ABCA13: variants seen among roughly 807,000 people sequenced by gnomAD.
ABCA13 encodes ATP-binding cassette sub-family A member 13.
Under a neutral mutation model 478.7 loss-of-function variants are expected in ABCA13, and 476 were observed. That is an observed-to-expected ratio of 0.99 (90% confidence interval 0.92 to 1.07). ABCA13 has a LOEUF of 1.07. Ranked by LOEUF, ABCA13 falls within the 50% of genes least tolerant of loss-of-function variation. ABCA13 has a pLI of 0.00. For missense variants in ABCA13, 6,060 were observed against 5,910.6 expected, an observed-to-expected ratio of 1.03 and a Z score of -0.83; for synonymous variants, 2,252 against 2,158.9, an observed-to-expected ratio of 1.04 and a Z score of -1.20.
intron 58 of ABCA13, among the ~76,000 whole-genome samples, chr7:48,614,791 A>G (rs1355821636): frequency 6.7e-6 from 1 of 148,722 alleles, no homozygotes; most frequent in Non-Finnish European, 1.5e-5. Flanking sequence ...AAGAACAAAA[A>G]ACCAAACACC....
At chr7:48,368,708 T>C (rs1367188068) in intron 32 of ABCA13, among the ~76,000 whole-genome samples, 1 of 132,792 alleles carries the variant, frequency 7.5e-6, no homozygotes, top group African/African-American at 2.7e-5. Context: ...TATATATATA[T>C]ATATATACAC....
Position 48,274,308 on chromosome 7 carries a change from A to G in ABCA13, c.4642A>G (p.Ile1548Val). Residue 1548 changes from isoleucine (I) to valine (V), a missense_variant, in exon 17 of 62, where the codon ATA becomes GTA. Physicochemically the swap from Ile to Val is conservative, Grantham distance 29. Around this residue, in one of 3 missense-constraint regions of ABCA13, gnomAD observed 4,423 missense variants for 4,309.1 expected, o/e 1.03. Coordinates refer to ENST00000435803, the MANE Select transcript of ABCA13 (RefSeq NM_152701.5). ...GTTTCAAAATATTTGGCTTCATTTA[A>G]TAACACTGGGGAAGGAATTTCAGAA... ...NQFQNIWLHL[I>V]TLGKEFQKLV... is the part of the protein sequence containing the mutation. 9 of 1,613,518 alleles carry G rather than the reference A, an allele frequency of 5.6e-6. No homozygotes were observed. The highest frequency in any genetic ancestry group is 7.6e-6 in the Non-Finnish European group (9 of 1,179,688).
At chr7:48,220,939 T>A (rs534363506) in intron 4 of ABCA13, among the ~76,000 whole-genome samples, 66 of 152,270 alleles carry the variant, frequency 4.3e-4, no homozygotes, top group African/African-American at 1.6e-3. Flanking sequence ...TTTTTCTTTT[T>A]AAAAAAATTT....
rs745772321 is a variant in ABCA13 at position 48,248,418 on chromosome 7, C to G, written c.1839C>G (p.Asp613Glu). 2 of 1,608,836 alleles carry G rather than the reference C, an allele frequency of 1.2e-6. No homozygotes were observed. The highest frequency in any genetic ancestry group is 1.7e-6 in the Non-Finnish European group (2 of 1,177,324). Residue 613 changes from aspartate (D) to glutamate (E), a missense_variant, in exon 14 of 62, where the codon GAC (aspartate) becomes GAG (glutamate). Physicochemically the swap from Asp to Glu is conservative, Grantham distance 45. This residue lies in a region of ABCA13 where 4,423 missense variants were observed against 4,309.1 expected (regional missense o/e 1.03). Transcript: ENST00000435803. ...CTGAGAATGATGTCTTTTCTAGTGA[C>G]TGTAAGCACCAGCTTGTCTCCACAG... is the stretch of plus-strand genomic sequence containing the variant. The part of the protein sequence containing the change: ...PSPENDVFSS[D>E]CKHQLVSTVI...
intron 58 of ABCA13, among the ~76,000 whole-genome samples, chr7:48,599,781 C>A (rs990687748): frequency 6.6e-6 from 1 of 152,140 alleles, no homozygotes; most frequent in African/African-American, 2.4e-5. Flanking sequence ...TCCCCCATCC[C>A]CCACAAAATG....
At chr7:48,247,727 G>A (rs1389623545) in intron 13 of ABCA13, among the ~76,000 whole-genome samples, 1 of 152,060 alleles carries the variant, frequency 6.6e-6, no homozygotes, top group African/African-American at 2.4e-5. Flanking sequence ...TCTCCATATG[G>A]CCTTTCAGCA....
intron 3 of ABCA13, among the ~76,000 whole-genome samples, chr7:48,216,411 A>C (rs1242185854): frequency 6.6e-6 from 1 of 152,136 alleles, no homozygotes; most frequent in Non-Finnish European, 1.5e-5. Flanking sequence ...ATGTCTATTC[A>C]AATCTTTTGC....
chr7:48,233,275 G>A (rs572700115), intron 7 of ABCA13, among the ~76,000 whole-genome samples: 11 of 152,176 alleles, frequency 7.2e-5, no homozygotes, highest in African/African-American at 2.6e-4. Flanking sequence ...TCAGTCAATG[G>A]GTGTTGAATC....
At chr7:48,476,819 A>T (rs2362309) in intron 45 of ABCA13, among the ~76,000 whole-genome samples, 1 of 151,938 alleles carries the variant, frequency 6.6e-6, no homozygotes, top group Non-Finnish European at 1.5e-5. Context: ...GTAAATAAAT[A>T]TGCATAAGGC....
chr7:48,643,377 C>T lies in ABCA13; in HGVS notation c.14927C>T (p.Pro4976Leu), dbSNP rs1189292157. The T allele has an allele frequency of 6.2e-7, 1 of 1,612,952 alleles. No homozygotes were observed. Among genetic ancestry groups the T allele is most frequent in the East Asian group, 2.2e-5 (1 of 44,846 alleles). ...TVSDHLKLYF[P>L]GIQFKGQHLN... Reference sequence around the variant, plus strand: ...TCTGACCACTTGAAGCTTTATTTTCCAGGAATTCAGTTCAAGGTAGTGCTA... The same window carrying T: ...TCTGACCACTTGAAGCTTTATTTTCTAGGAATTCAGTTCAAGGTAGTGCTA... Residue 4976 changes from proline (P) to leucine (L), a missense_variant, in exon 60 of 62, where the codon CCA becomes CTA. By Grantham distance (98) the Pro-to-Leu change is moderately conservative (BLOSUM62 -3). Transcript: ENST00000435803.
At chr7:48,416,637 C>A (rs1489412199) in intron 41 of ABCA13, among the ~76,000 whole-genome samples, 1 of 152,056 alleles carries the variant, frequency 6.6e-6, no homozygotes, top group South Asian at 2.1e-4. Flanking sequence ...CTGGGAGGAT[C>A]CCCAGTCGGA....
intron 3 of ABCA13, among the ~76,000 whole-genome samples, chr7:48,211,247 C>T (rs1270313678): frequency 1.3e-5 from 2 of 152,156 alleles, no homozygotes; most frequent in African/African-American, 2.4e-5. Flanking sequence ...TGTACCCATC[C>T]TTCTTGAGAG....
chr7:48,573,081 A>AT (rs1404866611), intron 55 of ABCA13, among the ~76,000 whole-genome samples: 1 of 151,892 alleles, frequency 6.6e-6, no homozygotes, highest in Non-Finnish European at 1.5e-5. Context: ...TGATACTGGT[A>AT]TTTTGTATCA....
At chr7:48,383,166 A>G (rs1403561036) in intron 35 of ABCA13, among the ~76,000 whole-genome samples, 2 of 152,216 alleles carry the variant, frequency 1.3e-5, no homozygotes, top group Admixed American at 6.5e-5. Flanking sequence ...CCAAAGACTC[A>G]AGTGAGAAAA....
intron 59 of ABCA13, among the ~76,000 whole-genome samples, chr7:48,635,668 G>A (rs1434207884): frequency 2.0e-5 from 3 of 152,170 alleles, no homozygotes; most frequent in Non-Finnish European, 4.4e-5. Context: ...GAATGAGAGG[G>A]GAAGACAGCT....
At chr7:48,475,847 A>G (rs1252729522) in intron 45 of ABCA13, among the ~76,000 whole-genome samples, 1 of 152,074 alleles carries the variant, frequency 6.6e-6, no homozygotes, top group East Asian at 1.9e-4. Context: ...TGAGGATGAA[A>G]ACATGATTTG....
chr7:48,187,268 CTTTT>C (rs539089022), intron 1 of ABCA13, among the ~76,000 whole-genome samples: 1 of 127,474 alleles, frequency 7.8e-6, no homozygotes, highest in Admixed American at 7.7e-5. Flanking sequence ...AGGGAGTTGT[CTTTT>C]TTTTTTTTTT....
intron 45 of ABCA13, among the ~76,000 whole-genome samples, chr7:48,477,747 G>T (rs868725694): frequency 8.2e-6 from 1 of 121,880 alleles, no homozygotes; most frequent in Non-Finnish European, 1.7e-5. Flanking sequence ...TTGTGGGGTG[G>T]GGGGAGGGGG....
chr7:48,385,069 A>C (rs1814972640), intron 35 of ABCA13, among the ~76,000 whole-genome samples: 1 of 152,118 alleles, frequency 6.6e-6, no homozygotes, highest in Non-Finnish European at 1.5e-5. Flanking sequence ...CGGAGATACA[A>C]CTCAGCCCAC....
Sources: gnomAD v4.1 joint callset for allele counts (sites outside exome capture counted in the v4.1 genomes callset) on GRCh38, gnomAD v4.1.1 for gene constraint, gnomAD v4.1.1 regional missense constraint, MANE v1.5 for transcripts, NCBI Gene and HGNC (gene_info 2026-07-23, HGNC 2026-07-21) for gene names.